Variants in MCTP2 observed in about 807,000 individuals in gnomAD.
MCTP2 encodes the protein multiple C2 and transmembrane domain-containing protein 2.
In MCTP2, 132 loss-of-function variants were observed where a neutral mutation model predicts 111.6. That is an observed-to-expected ratio of 1.18 (90% CI 1.03 to 1.37). MCTP2 has a LOEUF of 1.37. Among genes scored for constraint, MCTP2 ranks in the 40% most tolerant of loss-of-function variants. The pLI, the probability that MCTP2 is intolerant of heterozygous loss-of-function variation, is 0.00. For synonymous variants in MCTP2, 395 were observed against 387.7 expected (o/e 1.02, Z -0.22); for missense variants, 1,183 against 1,067.9 (o/e 1.11, Z -1.50).
In MCTP2 at chr15:94,357,800, A is replaced by G. The variant is rs367725865; in HGVS notation, c.1171-682A>G. 4.6e-5 allele frequency among the ~76,000 whole-genome samples: 7 copies of G among 152,324 alleles called. No individual in the cohort carries two copies. In the East Asian group the frequency reaches 7.7e-4, roughly 17 times the overall value. On this transcript the variant is annotated intron_variant, in intron 9 of 22. Transcript: ENST00000357742. ...TTGTATTCACATATTTAATCTCTATATAAAGGAAACAAAAATGAAAATCCT... is the reference window on the plus strand; with the variant it reads ...TTGTATTCACATATTTAATCTCTATGTAAAGGAAACAAAAATGAAAATCCT...
At chr15:94,381,762 T>C (rs1207430519) in intron 12 of MCTP2, among the ~76,000 whole-genome samples, 2 of 152,214 alleles carry the variant, frequency 1.3e-5, no homozygotes, top group Non-Finnish European at 2.9e-5. Context: ...TGTGGTCTCT[T>C]CTTGTTCACA....
intron 20 of MCTP2, among the ~76,000 whole-genome samples, chr15:94,467,036 A>T (rs2152536599): frequency 6.6e-6 from 1 of 152,312 alleles, no homozygotes. Flanking sequence ...ACACTTATTA[A>T]ATAGTGACTA....
At chr15:94,237,061 G>T in intron 1 of MCTP2, among the ~76,000 whole-genome samples, 1 of 152,098 alleles carries the variant, frequency 6.6e-6, no homozygotes, top group South Asian at 2.1e-4. Context: ...TCTTTTCAGA[G>T]AATTATGACC....
At chr15:94,448,800 T>C (rs1201326554) in intron 19 of MCTP2, among the ~76,000 whole-genome samples, 1 of 152,172 alleles carries the variant, frequency 6.6e-6, no homozygotes, top group Non-Finnish European at 1.5e-5. Context: ...TTTCTGAAAA[T>C]AGTAGCTATG....
At chr15:94,469,151 C>T (rs535897411) in intron 20 of MCTP2, among the ~76,000 whole-genome samples, 4 of 152,146 alleles carry the variant, frequency 2.6e-5, no homozygotes, top group South Asian at 4.1e-4. Context: ...TCTAAAATCC[C>T]GTCTCCCATA....
At chr15:94,280,571 T>C (rs939590869) in intron 1 of MCTP2, among the ~76,000 whole-genome samples, 3 of 152,074 alleles carry the variant, frequency 2.0e-5, no homozygotes, top group Non-Finnish European at 4.4e-5. Flanking sequence ...TGACCTTTTG[T>C]ATGGGTTTTT....
intron 17 of MCTP2, chr15:94,402,504 C>A: frequency 1.3e-6 from 2 of 1,551,716 alleles, no homozygotes; most frequent in Admixed American, 2.0e-5. Context: ...AGAGGAACCA[C>A]CCCTGTCTAT....
At chr15:94,286,182 T>C (rs958950449) in intron 1 of MCTP2, among the ~76,000 whole-genome samples, 1 of 152,128 alleles carries the variant, frequency 6.6e-6, no homozygotes, top group African/African-American at 2.4e-5. Context: ...AGAGGAGAGA[T>C]TTGTTTTTGC....
chr15:94,380,898 C>G (rs1473666750), intron 12 of MCTP2, among the ~76,000 whole-genome samples: 1 of 152,150 alleles, frequency 6.6e-6, no homozygotes, highest in Non-Finnish European at 1.5e-5. Context: ...ACTTGCCATT[C>G]AAGAAATACA....
intron 1 of MCTP2, among the ~76,000 whole-genome samples, chr15:94,295,647 C>CAT (rs779476871): frequency 7.2e-5 from 11 of 152,170 alleles, no homozygotes; most frequent in Admixed American, 1.3e-4. Context: ...TTATGTTTTC[C>CAT]ATATATATTA....
chr15:94,234,599 G>C (rs971079342), intron 1 of MCTP2, among the ~76,000 whole-genome samples: 34 of 152,188 alleles, frequency 2.2e-4, no homozygotes, highest in Non-Finnish European at 2.9e-5. Flanking sequence ...AGAGACTGCT[G>C]GATGGGACAG....
At chr15:94,425,605 A>G (rs887660044) in intron 17 of MCTP2, among the ~76,000 whole-genome samples, 1 of 152,136 alleles carries the variant, frequency 6.6e-6, no homozygotes, top group African/African-American at 2.4e-5. Flanking sequence ...AAACAAAAAT[A>G]AAAGTTATCT....
At chr15:94,326,686 G>T (rs1215548769) in intron 4 of MCTP2, among the ~76,000 whole-genome samples, 1 of 151,822 alleles carries the variant, frequency 6.6e-6, no homozygotes, top group Non-Finnish European at 1.5e-5. Context: ...TCCTGCCTCA[G>T]CCTCCTGAGT....
Position 94,350,990 on chromosome 15 carries a change from T to TA in MCTP2, c.1006-5145dup, listed in dbSNP as rs1328702298. Among the ~76,000 whole-genome samples the TA allele has an allele frequency of 8.5e-5, 13 of 152,242 alleles. No individual in the cohort carries two copies. In the East Asian group the frequency reaches 2.5e-3, roughly 29 times the overall value. On this transcript the variant is annotated intron_variant, in intron 8 of 22. Transcript: ENST00000357742. ...TTAACTATTTTTTTAAATCTTCTCTTAATCTATTTTTATTTTTAAGTACAA... is the reference window on the plus strand; with the variant it reads ...TTAACTATTTTTTTAAATCTTCTCTTAAATCTATTTTTATTTTTAAGTACAA...
intron 17 of MCTP2, among the ~76,000 whole-genome samples, chr15:94,411,300 C>CT (rs2082141563): frequency 2.0e-5 from 2 of 99,178 alleles, no homozygotes; most frequent in African/African-American, 7.3e-5. Context: ...TTTTTTTTTT[C>CT]TTTTTTTGCA....
At chr15:94,452,867 A>G (rs2084552554) in intron 19 of MCTP2, among the ~76,000 whole-genome samples, 1 of 152,248 alleles carries the variant, frequency 6.6e-6, no homozygotes, top group Non-Finnish European at 1.5e-5. Flanking sequence ...TCATAAAGAT[A>G]CCTGAGCTCA....
chr15:94,482,615 A>G lies in MCTP2; in HGVS notation c.*3581A>G, dbSNP rs2074782736. ...GAATGTCAGCAAGGTAATGGAATAT[A>G]TAGTTCTCAGAGAAGTAACACACTG... On this transcript the variant is annotated 3_prime_UTR_variant, in exon 23 of 23. Coordinates refer to ENST00000357742, the MANE Select transcript of MCTP2 (RefSeq NM_001385001.1). The G allele has an allele frequency of 6.6e-6, 1 of 152,238 alleles. No individual in the cohort carries two copies. The highest frequency in any genetic ancestry group is 1.5e-5 in the Non-Finnish European group (1 of 68,048). 9.4% of individuals were successfully genotyped at this position (152,238 alleles called of 1,614,324 possible). A position where few individuals can be genotyped will look rare whatever the true frequency, so the allele number is the denominator to read the frequency against.
At chr15:94,433,514 C>A (rs1198812153) in intron 17 of MCTP2, among the ~76,000 whole-genome samples, 2 of 152,042 alleles carry the variant, frequency 1.3e-5, no homozygotes, top group African/African-American at 4.8e-5. Flanking sequence ...GATATATTCA[C>A]TTTTTTGTTG....
Position 94,397,952 on chromosome 15 carries a change from CT to C in MCTP2, c.1789-1008del, listed in dbSNP as rs1239582180. Among the ~76,000 whole-genome samples, 3 of 152,246 alleles carry C rather than the reference CT, an allele frequency of 2.0e-5. No individual in the cohort carries two copies. In the East Asian group the frequency reaches 5.8e-4, roughly 29 times the overall value. On this transcript the variant is annotated intron_variant, in intron 14 of 22. Transcript: ENST00000357742. ...AAAGTTTAATCAGTTACATATACTACTACTATGTAAAATCATGACTGCTATC... is the reference window on the plus strand; with the variant it reads ...AAAGTTTAATCAGTTACATATACTACACTATGTAAAATCATGACTGCTATC...
Sources: gnomAD v4.1 joint callset for allele counts (sites outside exome capture counted in the v4.1 genomes callset) on GRCh38, gnomAD v4.1.1 for gene constraint, MANE v1.5 for transcripts, NCBI Gene and HGNC (gene_info 2026-07-23, HGNC 2026-07-21) for gene names.